SPOP: variants seen among roughly 807,000 people sequenced by gnomAD.
SPOP encodes speckle type BTB/POZ protein.
Under a neutral mutation model 45.6 loss-of-function variants are expected in SPOP, and 11 were observed. That is an observed-to-expected ratio of 0.24 (90% CI 0.15 to 0.40). The LOEUF (loss-of-function observed/expected upper bound fraction) is 0.40. SPOP is among the 10% of genes least tolerant of loss of function. The probability of loss-of-function intolerance (pLI) is 1.00; values close to 1 mark genes in which losing one functional copy is unlikely to be tolerated. For synonymous variants in SPOP, 166 were observed against 166.3 expected, an observed-to-expected ratio of 1.00 and a Z score of 0.01; for missense variants, 152 against 465.6, an observed-to-expected ratio of 0.33 and a Z score of 6.20.
At chr17:49,629,054 C>A (rs1462284057) in intron 1 of SPOP, among the ~76,000 whole-genome samples, 10 of 151,330 alleles carry the variant, frequency 6.6e-5, no homozygotes, top group Admixed American at 6.6e-4. Flanking sequence ...CCAGCCTGAC[C>A]AACATAGCGA....
At chr17:49,611,692 C>G (rs1567773453) in intron 5 of SPOP, among the ~76,000 whole-genome samples, 1 of 152,180 alleles carries the variant, frequency 6.6e-6, no homozygotes, top group East Asian at 1.9e-4. Context: ...CCCCACAAAT[C>G]TCTTTTTCCC....
intron 1 of SPOP, chr17:49,646,629 A>G (rs556200877): frequency 2.6e-5 from 4 of 152,156 alleles, no homozygotes; most frequent in Non-Finnish European, 5.9e-5. Flanking sequence ...TTTAAGCTAT[A>G]TAACCACTCC....
chr17:49,605,017 A>G (rs2071811099), intron 8 of SPOP, among the ~76,000 whole-genome samples: 1 of 152,196 alleles, frequency 6.6e-6, no homozygotes, highest in Non-Finnish European at 1.5e-5. Context: ...TGTCTTGGTT[A>G]AACTCAGTAT....
At chr17:49,608,724 A>G (rs1475033551) in intron 6 of SPOP, among the ~76,000 whole-genome samples, 1 of 152,210 alleles carries the variant, frequency 6.6e-6, no homozygotes, top group African/African-American at 2.4e-5. Context: ...AATGGCTAAG[A>G]ACTCAAATTT....
At chr17:49,626,195 T>A (rs575886662) in intron 1 of SPOP, among the ~76,000 whole-genome samples, 2 of 152,188 alleles carry the variant, frequency 1.3e-5, no homozygotes, top group Admixed American at 1.3e-4. Context: ...AGTTTGTGAC[T>A]CATCTTTTAA....
chr17:49,602,020 A>G lies in SPOP; in HGVS notation c.838-13T>C. The G allele has an allele frequency of 1.2e-6, 2 of 1,613,586 alleles. No individual in the cohort carries two copies. Among genetic ancestry groups the G allele is most frequent in the Non-Finnish European group, 1.7e-6 (2 of 1,179,684 alleles). On this transcript the variant is annotated splice_polypyrimidine_tract_variant and intron_variant, in intron 8 of 9. Transcript: ENST00000504102. ...GCTCCAGGGCATACTGTAAAACACA[A>G]GCACTGCTGTCATCAGAGCAGCAAT...
At chr17:49,626,619 A>C (rs2143332853) in intron 1 of SPOP, among the ~76,000 whole-genome samples, 1 of 152,096 alleles carries the variant, frequency 6.6e-6, no homozygotes, top group Non-Finnish European at 1.5e-5. Context: ...GCTTGAACCC[A>C]GGAGGTGGAG....
chr17:49,607,131 T>G, intron 8 of SPOP, 119 bp downstream of exon 8: 1 of 1,326,792 alleles, frequency 7.5e-7, no homozygotes, highest in Non-Finnish European at 1.1e-6. Context: ...ACCAGGACCG[T>G]CTTGGCCAAA....
rs982951348 is a variant in SPOP at position 49,627,920 on chromosome 17, T to C, written c.-66-5044A>G. ...ACCAAACAACCTGCTGGAAAGGAAA[T>C]TGACTAGGACAGCACAAGTCTAATT... On this transcript the variant is annotated intron_variant, in intron 1 of 9. Coordinates refer to ENST00000504102, the MANE Select transcript of SPOP (RefSeq NM_001007228.2). Among the ~76,000 whole-genome samples the C allele has an allele frequency of 3.3e-5, 5 of 152,258 alleles. No homozygotes were observed. In the East Asian group the frequency reaches 7.7e-4, roughly 23 times the overall value.
intron 1 of SPOP, among the ~76,000 whole-genome samples, chr17:49,625,868 A>G (rs911250751): frequency 2.6e-5 from 4 of 152,346 alleles, no homozygotes; most frequent in African/African-American, 9.6e-5. Context: ...AAATAATGTA[A>G]GATGCTTCAA....
chr17:49,644,945 T>C (rs909707738), intron 1 of SPOP, among the ~76,000 whole-genome samples: 2 of 152,210 alleles, frequency 1.3e-5, no homozygotes, highest in African/African-American at 2.4e-5. Flanking sequence ...AATAAAACTT[T>C]AGCTGACAGT....
At chr17:49,672,671 G>T (rs1364404255) in intron 1 of SPOP, among the ~76,000 whole-genome samples, 2 of 152,164 alleles carry the variant, frequency 1.3e-5, no homozygotes, top group East Asian at 3.8e-4. Flanking sequence ...ATGAGGCCAG[G>T]TATGGTGGCT....
chr17:49,605,488 G>A (rs1443263729), intron 8 of SPOP, among the ~76,000 whole-genome samples: 1 of 152,106 alleles, frequency 6.6e-6, no homozygotes, highest in Non-Finnish European at 1.5e-5. Flanking sequence ...TCAGGAGTTC[G>A]AGAGCAGCCT....
chr17:49,608,055 T>G (rs2071888444), intron 6 of SPOP, 126 bp from the exon 7 acceptor site: 1 of 621,128 alleles, frequency 1.6e-6, no homozygotes, highest in East Asian at 2.9e-5. Context: ...TCTACCTCAA[T>G]TTACATCAGA....
At chr17:49,618,918 T>C (rs184050028) in intron 5 of SPOP, 63 bp downstream of exon 5, 2 of 1,538,174 alleles carry the variant, frequency 1.3e-6, no homozygotes, top group East Asian at 2.3e-5. Flanking sequence ...TACAATATAA[T>C]TAAGTCTACC....
At chr17:49,608,070 C>T (rs1271547035) in intron 6 of SPOP, 141 bp from the exon 7 acceptor site, 2 of 543,756 alleles carry the variant, frequency 3.7e-6, no homozygotes. Context: ...ATCAGAATTA[C>T]AAAATTCCTT....
intron 9 of SPOP, 36 bp downstream of exon 9, chr17:49,601,829 T>C (rs2071745552): frequency 6.2e-7 from 1 of 1,609,810 alleles, no homozygotes. Context: ...GCTATCCAAC[T>C]ATTTTGAAAG....
intron 2 of SPOP, 64 bp from the exon 3 acceptor site, chr17:49,622,131 G>C (rs1363708608): frequency 6.3e-7 from 1 of 1,581,822 alleles, no homozygotes; most frequent in South Asian, 1.1e-5. Flanking sequence ...ACAGGATGAA[G>C]GGCAGATTAT....
rs376900320 is a variant in SPOP at position 49,601,845 on chromosome 17, C to T, written c.980+20G>A. On this transcript the variant is annotated intron_variant, in intron 9 of 9. Transcript: ENST00000504102. Reference sequence around the variant, plus strand: ...CTATCCAACTATTTTGAAAGAAGAACTTTGAAGATGCCAACTCACTAGTTG... The same window carrying T: ...CTATCCAACTATTTTGAAAGAAGAATTTTGAAGATGCCAACTCACTAGTTG... 235 of 1,612,060 alleles carry T rather than the reference C, an allele frequency of 1.5e-4. 1 individual carries two copies. In the East Asian group the frequency reaches 4.8e-3, roughly 33 times the overall value.
Sources: gnomAD v4.1 joint callset for allele counts (sites outside exome capture counted in the v4.1 genomes callset) on GRCh38, gnomAD v4.1.1 for gene constraint, MANE v1.5 for transcripts, NCBI Gene and HGNC (gene_info 2026-07-23, HGNC 2026-07-21) for gene names.